The following PIEZO1 variants were observed in gnomAD, a reference collection of about 807,000 sequenced individuals.
The protein encoded by PIEZO1 is piezo type mechanosensitive ion channel component 1 (Er blood group).
A neutral mutation model predicts 297.2 loss-of-function variants in PIEZO1; 296 were observed. The observed-to-expected ratio is 1.00, with a 90% CI of 0.91 to 1.10. PIEZO1 has a LOEUF of 1.10. PIEZO1 is among the 50% of genes least tolerant of loss of function. The probability of loss-of-function intolerance (pLI) is 0.00; values close to 1 mark genes in which losing one functional copy is unlikely to be tolerated. For synonymous variants in PIEZO1, 2,427 were observed against 1,507.5 expected (o/e 1.61, Z -14.13); for missense variants, 5,018 against 3,455.5 (o/e 1.45, Z -11.34).
intron 2 of PIEZO1, among the ~76,000 whole-genome samples, chr16:88,745,934 C>T (rs1294063650): frequency 2.0e-5 from 3 of 152,184 alleles, no homozygotes; most frequent in South Asian, 2.1e-4. Flanking sequence ...GGCCCCACCA[C>T]GGCAGCATCC....
chr16:88,717,864 G>A (rs537498280), intron 44 of PIEZO1: 15 of 426,074 alleles, frequency 3.5e-5, no homozygotes, highest in East Asian at 7.0e-5. Context: ...TGGGTGTGGC[G>A]GCTCACACTT....
chr16:88,725,098 G>C lies in PIEZO1; in HGVS notation c.4163-18C>G. ...GTCGGGCCCTGTGGAGGGGCAGGGT[G>C]AGCATGAGGCAGCAGTCAAGCCACC... On this transcript the variant is annotated intron_variant, in intron 29 of 50. Transcript: ENST00000301015. The C allele has an allele frequency of 6.7e-7, 1 of 1,500,314 alleles. No individual in the cohort carries two copies. The highest frequency in any genetic ancestry group is 8.9e-7 in the Non-Finnish European group (1 of 1,125,280). The allele number at this position is 1,500,314 out of a possible 1,614,324, so 92.9% of individuals were successfully genotyped here. A position where few individuals can be genotyped will look rare whatever the true frequency, so the allele number is the denominator to read the frequency against.
In PIEZO1 at chr16:88,717,662, A is replaced by C. The variant is rs185962136; in HGVS notation, c.6472-451T>G. ...AAGTAAACCAGATATTACCAAAATA[A>C]ATACTTTGTGCTTCCAAAGACACCA... On this transcript the variant is annotated intron_variant, in intron 44 of 50. Transcript: ENST00000301015. 11 of 446,660 alleles carry C rather than the reference A, an allele frequency of 2.5e-5. No individual in the cohort carries two copies. In the East Asian group the frequency reaches 7.7e-4, roughly 31 times the overall value. 27.7% of individuals were successfully genotyped at this position (446,660 alleles called of 1,614,324 possible).
At chr16:88,782,589 T>C (rs969267947) in intron 1 of PIEZO1, among the ~76,000 whole-genome samples, 58 of 152,322 alleles carry the variant, frequency 3.8e-4, no homozygotes, top group African/African-American at 1.4e-3. Context: ...CACCCCAGGA[T>C]GACTCAAACC....
intron 1 of PIEZO1, among the ~76,000 whole-genome samples, chr16:88,770,853 C>A (rs1441068414): frequency 6.6e-6 from 1 of 152,246 alleles, no homozygotes; most frequent in African/African-American, 2.4e-5. Flanking sequence ...CTCATGTCCT[C>A]ACCTGGGAGG....
intron 39 of PIEZO1, 34 bp downstream of exon 39, chr16:88,721,132 G>T (rs1306568581): frequency 6.2e-6 from 9 of 1,457,956 alleles, no homozygotes; most frequent in Non-Finnish European, 8.1e-6. Context: ...AGAAAACTGG[G>T]TAGGCAGGAG....
Position 88,723,305 on chromosome 16 carries a change from G to A in PIEZO1, c.4359C>T (p.Thr1453=). ...AFQLAYQAWV[T]NAQAVLRRRQ... The stretch of plus-strand genomic sequence containing the variant: ...GCCGCCTCAGCACCGCCTGGGCGTT[G>A]GTCACCCATGCCTGGTACGCCAGCT... The change falls in exon 32 of 51, where the codon ACC becomes ACT. Residue 1453 remains threonine, a synonymous_variant. Transcript: ENST00000301015. 4 of 1,539,400 alleles carry A rather than the reference G, an allele frequency of 2.6e-6. No homozygotes were observed. In the African/African-American group the frequency reaches 4.1e-5, roughly 16 times the overall value.
Position 88,721,377 on chromosome 16 carries a change from CTT to C in PIEZO1, c.5455_5456del (p.Lys1819GlufsTer46), listed in dbSNP as rs1267754674. 3.9e-6 allele frequency: 6 copies of C among 1,549,784 alleles called. No individual in the cohort carries two copies. Among genetic ancestry groups the C allele is most frequent in the African/African-American group, 2.7e-5 (2 of 73,006 alleles). On this transcript the variant is annotated frameshift_variant, in exon 39 of 51. Coordinates refer to ENST00000301015, the MANE Select transcript of PIEZO1 (RefSeq NM_001142864.4). LOFTEE classifies it high-confidence loss of function. ...CGGCTCCCTGCTCCTCCTCGCCGCTCTTGTCATGCTCCTTGGATGGTGAGTCC... is the reference window on the plus strand; with the variant it reads ...CGGCTCCCTGCTCCTCCTCGCCGCTCGTCATGCTCCTTGGATGGTGAGTCC... Reference protein sequence around the residue: ...EEDSPSKEHDKSGEEEQGAEE... With the variant: ...EEDSPSKEHDXSGEEEQGAEE...
intron 1 of PIEZO1, among the ~76,000 whole-genome samples, chr16:88,762,132 A>C (rs764655229): frequency 7.9e-5 from 12 of 152,146 alleles, no homozygotes; most frequent in Non-Finnish European, 1.5e-4. Flanking sequence ...AGCCGACCCT[A>C]TGCCCCCACT....
At chr16:88,754,814 G>A (rs953489740) in intron 1 of PIEZO1, among the ~76,000 whole-genome samples, 3 of 152,230 alleles carry the variant, frequency 2.0e-5, no homozygotes, top group Admixed American at 6.5e-5. Context: ...CGGCCCACAC[G>A]GGTGGGTGAC....
intron 10 of PIEZO1, 124 bp downstream of exon 10, chr16:88,737,435 C>CGA (rs918311575): frequency 1.5e-6 from 1 of 659,894 alleles, no homozygotes; most frequent in African/African-American, 1.9e-5. Context: ...CCTGGGCCCC[C>CGA]GAGGGGGCGG....
At position 88,742,736 on chromosome 16, in the gene PIEZO1, C is replaced by G. The variant is rs1211480049; in HGVS notation, c.161-314G>C. The G allele has an allele frequency of 1.3e-5, 5 of 387,038 alleles. No individual in the cohort carries two copies. The Admixed American group carries it at 2.1e-4, about 16-fold the overall frequency. The allele number at this position is 387,038 out of a possible 1,614,324, so 24.0% of individuals were successfully genotyped here. ...GGTGTGCTCCCTCATCCAGCAAATA[C>G]CTGTCACCGTTCAGTTGTGGAAGCA... On this transcript the variant is annotated intron_variant, in intron 2 of 50. Coordinates refer to ENST00000301015, the MANE Select transcript of PIEZO1 (RefSeq NM_001142864.4).
In PIEZO1 at chr16:88,762,647, C is replaced by T. The variant is rs1052124757; in HGVS notation, c.65-13168G>A. 4.6e-5 allele frequency among the ~76,000 whole-genome samples: 7 copies of T among 152,320 alleles called. No individual in the cohort carries two copies. In the East Asian group the frequency reaches 5.8e-4, roughly 13 times the overall value. On this transcript the variant is annotated intron_variant, in intron 1 of 50. Coordinates refer to ENST00000301015, the MANE Select transcript of PIEZO1 (RefSeq NM_001142864.4). ...GGAAGGGGCAGCCTCTCGGGTCTCC[C>T]GGCAGCCCACAAGTGCTGTGTCGGC... is the stretch of plus-strand genomic sequence containing the variant.
In PIEZO1 at chr16:88,719,722, C is replaced by A; in HGVS notation, c.6324-1G>T. ...CACCAGGAACGGCACCAGCCGGAAC[C>A]TGCCCACAGCCAGGGTTCCCGTCAG... On this transcript the variant is annotated splice_acceptor_variant, in intron 43 of 50. Transcript: ENST00000301015. LOFTEE classifies it high-confidence loss of function. 6.4e-7 allele frequency: 1 copy of A among 1,550,804 alleles called. No homozygotes were observed. The highest frequency in any genetic ancestry group is 8.7e-7 in the Non-Finnish European group (1 of 1,147,134).
intron 26 of PIEZO1, 35 bp downstream of exon 26, chr16:88,726,512 C>T (rs543110678): frequency 1.3e-6 from 2 of 1,546,318 alleles, no homozygotes; most frequent in Non-Finnish European, 1.7e-6. Flanking sequence ...GGGGGCTTCC[C>T]CACGCCCTCC....
chr16:88,771,088 T>C (rs1234253549), intron 1 of PIEZO1, among the ~76,000 whole-genome samples: 1 of 152,054 alleles, frequency 6.6e-6, no homozygotes, highest in African/African-American at 2.4e-5. Context: ...GTGGTCTCAG[T>C]CCCGGAGAGC....
chr16:88,731,448 G>C (rs1334835905), intron 22 of PIEZO1: 4 of 514,218 alleles, frequency 7.8e-6, no homozygotes, highest in Non-Finnish European at 1.4e-5. Context: ...CTTTCCTGAA[G>C]GTTTGAAATA....
chr16:88,764,865 CAG>C (rs1247145607), intron 1 of PIEZO1, among the ~76,000 whole-genome samples: 1 of 152,212 alleles, frequency 6.6e-6, no homozygotes, highest in Non-Finnish European at 1.5e-5. Flanking sequence ...GCACCAGGGG[CAG>C]ACACTGGCGA....
chr16:88,737,863 G>C, intron 8 of PIEZO1, 49 bp from the exon 9 acceptor site: 1 of 1,533,010 alleles, frequency 6.5e-7, no homozygotes, highest in Non-Finnish European at 8.7e-7. Context: ...ACCCCACCCA[G>C]AGGCAGGAGG....
Sources: gnomAD v4.1 joint callset for allele counts (sites outside exome capture counted in the v4.1 genomes callset) on GRCh38, gnomAD v4.1.1 for gene constraint, MANE v1.5 for transcripts, NCBI Gene and HGNC (gene_info 2026-07-23, HGNC 2026-07-21) for gene names.